GRM4: variants seen among roughly 807,000 people sequenced by gnomAD.
GRM4 encodes glutamate metabotropic receptor 4.
In GRM4, 28 loss-of-function variants were observed where a neutral mutation model predicts 81.7. The observed-to-expected ratio is 0.34, with a 90% CI of 0.25 to 0.47. GRM4 has a LOEUF of 0.47. Ranked by LOEUF, GRM4 falls within the 20% of genes least tolerant of loss-of-function variation. The pLI is 1.00. For missense variants in GRM4, 948 were observed against 1,290.0 expected, an observed-to-expected ratio of 0.73 and a Z score of 4.06; for synonymous variants, 488 against 528.8, an observed-to-expected ratio of 0.92 and a Z score of 1.06.
intron 6 of GRM4, among the ~76,000 whole-genome samples, chr6:34,041,198 T>C (rs997488130): frequency 1.3e-5 from 2 of 151,978 alleles, no homozygotes; most frequent in Middle Eastern, 6.3e-3. Context: ...GAGGGGAGTG[T>C]CCTTAAAGCC....
intron 2 of GRM4, among the ~76,000 whole-genome samples, chr6:34,109,546 G>A (rs1012772225): frequency 2.6e-5 from 4 of 152,162 alleles, no homozygotes; most frequent in Non-Finnish European, 5.9e-5. Context: ...TCAAAGGGAG[G>A]CCCAAAGCCC....
intron 1 of GRM4, among the ~76,000 whole-genome samples, chr6:34,139,753 C>T (rs933039994): frequency 6.6e-6 from 1 of 152,262 alleles, no homozygotes; most frequent in African/African-American, 2.4e-5. Context: ...GGATCTGCAG[C>T]AGTGCGCCCG....
intron 2 of GRM4, among the ~76,000 whole-genome samples, chr6:34,126,413 C>T (rs1338482099): frequency 1.3e-5 from 2 of 152,146 alleles, no homozygotes; most frequent in Non-Finnish European, 2.9e-5. Context: ...CGTTCAGCCC[C>T]CACCCCCAAC....
rs897747093 is a variant in GRM4 at position 34,115,413 on chromosome 6, C to T, written c.519+17565G>A. On this transcript the variant is annotated intron_variant, in intron 2 of 10. Coordinates refer to ENST00000538487, the MANE Select transcript of GRM4 (RefSeq NM_000841.4). This position sits in a 1 kb window ranked among gnomAD's most constrained non-coding sequence, Gnocchi z 4.1. ...TATCACGGCACCCGCACCGTCTGCC[C>T]GGCCACATGCCCAACTCCCACCAAA... 6.6e-6 allele frequency among the ~76,000 whole-genome samples: 1 copy of T among 152,160 alleles called. No individual in the cohort carries two copies.
At position 34,092,213 on chromosome 6, in the gene GRM4, C is replaced by G; in HGVS notation, c.520-114G>C. 1 of 665,904 alleles carries G rather than the reference C, an allele frequency of 1.5e-6. No homozygotes were observed. Among genetic ancestry groups the G allele is most frequent in the Non-Finnish European group, 2.6e-6 (1 of 389,244 alleles). The allele number at this position is 665,904 out of a possible 1,614,324, so 41.2% of individuals were successfully genotyped here. The stretch of plus-strand genomic sequence containing the variant: ...GGTCCCCACAGCCTTGGGACCACCA[C>G]AGCCCACCCCTCCCCATGGGCGATG... On this transcript the variant is annotated intron_variant, in intron 2 of 10. Transcript: ENST00000538487. This position sits in a 1 kb window ranked among gnomAD's most constrained non-coding sequence, Gnocchi z 6.8.
rs1326573986 is a variant in GRM4, at chr6:34,070,660, C to T, written c.737-8632G>A. On this transcript the variant is annotated intron_variant, in intron 3 of 10. Coordinates refer to ENST00000538487, the MANE Select transcript of GRM4 (RefSeq NM_000841.4). This position sits in a 1 kb window ranked among gnomAD's most constrained non-coding sequence, Gnocchi z 4.6. ...CTCATCACTTAGCCAGGCCAGGACC[C>T]AGGACCCAGGGCTGGGGAGGTCTAC... Among the ~76,000 whole-genome samples the T allele has an allele frequency of 6.6e-6, 1 of 151,856 alleles. No homozygotes were observed. Among genetic ancestry groups the T allele is most frequent in the African/African-American group, 2.4e-5 (1 of 41,268 alleles).
intron 7 of GRM4, 74 bp from the exon 8 acceptor site, chr6:34,040,388 C>T: frequency 2.0e-6 from 3 of 1,523,728 alleles, no homozygotes; most frequent in Non-Finnish European, 2.7e-6. Flanking sequence ...GGGGCAGAGA[C>T]CTCTCTGACA....
intron 1 of GRM4, among the ~76,000 whole-genome samples, chr6:34,144,859 AG>A (rs895224024): frequency 5.3e-5 from 8 of 152,108 alleles, no homozygotes; most frequent in Non-Finnish European, 1.0e-4. Flanking sequence ...TCCCTCCCTC[AG>A]GGGCACCCGG....
intron 9 of GRM4, 31 bp from the exon 10 acceptor site, chr6:34,028,397 G>A: frequency 6.3e-7 from 1 of 1,591,274 alleles, no homozygotes; most frequent in Non-Finnish European, 8.5e-7. Context: ...GTCAGAGCAG[G>A]CTCTGCCCCG....
upstream of GRM4, among the ~76,000 whole-genome samples, chr6:34,150,080 T>C (rs1771014950): frequency 2.6e-5 from 4 of 152,152 alleles, no homozygotes; most frequent in African/African-American, 9.7e-5. Flanking sequence ...AAAAAAGACC[T>C]GGCCCCAAGG....
At chr6:34,028,028 G>A in intron 10 of GRM4, 92 bp downstream of exon 10, 1 of 1,377,946 alleles carries the variant, frequency 7.3e-7, no homozygotes, top group Non-Finnish European at 9.8e-7. Context: ...ATCGGGGCAG[G>A]GCGGGGTGGG....
At chr6:34,139,907 C>T (rs1770609688) in intron 1 of GRM4, among the ~76,000 whole-genome samples, 2 of 152,234 alleles carry the variant, frequency 1.3e-5, no homozygotes, top group South Asian at 4.1e-4. Context: ...GTGCACCAGC[C>T]TCTGCTCTGG....
At chr6:34,149,509 G>A (rs973934608), upstream of GRM4, among the ~76,000 whole-genome samples, 1 of 152,216 alleles carries the variant, frequency 6.6e-6, no homozygotes, top group Non-Finnish European at 1.5e-5. Context: ...AGGCACTGAG[G>A]AGGAGCCATG....
At chr6:34,146,103 A>T (rs887718545), upstream of GRM4, 5 of 985,368 alleles carry the variant, frequency 5.1e-6, no homozygotes, top group African/African-American at 8.7e-5. Context: ...ACAGGGACGC[A>T]GAGGGGCGCG....
At chr6:34,100,031 C>T in intron 2 of GRM4, 1 of 982,544 alleles carries the variant, frequency 1.0e-6, no homozygotes, top group Non-Finnish European at 1.2e-6. Context: ...AGATCTATTC[C>T]TCTGCTCTGT....
chr6:34,040,214 C>T lies in GRM4; in HGVS notation c.1470G>A (p.Lys490=). 2 of 1,614,144 alleles carry T rather than the reference C, an allele frequency of 1.2e-6. No individual in the cohort carries two copies. The highest frequency in any genetic ancestry group is 1.1e-5 in the South Asian group (1 of 91,090). The change falls in exon 8 of 11, where the codon AAG becomes AAA. Residue 490 remains lysine, a synonymous_variant. Transcript: ENST00000538487. ...GGTGGTCAGTCCAGGAGCCAATGAC[C>T]TTGTACTCGGCAGAATCGTTGCGCA... ...YQLRNDSAEY[K]VIGSWTDHLH...
At position 34,044,201 on chromosome 6, in the gene GRM4, T is replaced by C. The variant is rs548040731; in HGVS notation, c.1169-3453A>G. Among the ~76,000 whole-genome samples the C allele has an allele frequency of 2.2e-3, 291 of 132,972 alleles. 3 individuals are homozygous for C. The highest frequency in any genetic ancestry group is 8.0e-3 in the Middle Eastern group (2 of 250). 87.2% of individuals were successfully genotyped at this position (132,972 alleles called of 152,430 possible). A position where few individuals can be genotyped will look rare whatever the true frequency, so the allele number is the denominator to read the frequency against. ...ATACATACACATATATACACACACA[T>C]ATATATACATACATACACATATATA... On this transcript the variant is annotated intron_variant, in intron 6 of 10. Transcript: ENST00000538487.
At position 34,133,224 on chromosome 6, in the gene GRM4, G is replaced by A. The variant is rs759833290; in HGVS notation, c.273C>T (p.Asn91=). The change falls in exon 2 of 11, where the codon AAC becomes AAT. Residue 91 remains asparagine, a synonymous_variant. Transcript: ENST00000538487. This position sits in a 1 kb window ranked among gnomAD's most constrained non-coding sequence, Gnocchi z 6.5. ...AMLFALDRIN[N]DPDLLPNITL... ...TGATGTTAGGCAGCAGGTCCGGGTC[G>A]TTGTTGATGCGATCCAGGGCGAACA... 20 of 1,614,066 alleles carry A rather than the reference G, an allele frequency of 1.2e-5. No individual in the cohort carries two copies. The highest frequency in any genetic ancestry group is 1.5e-5 in the Non-Finnish European group (18 of 1,180,008).
At chr6:34,093,737 G>A (rs778703982) in intron 2 of GRM4, among the ~76,000 whole-genome samples, 13 of 152,260 alleles carry the variant, frequency 8.5e-5, no homozygotes, top group East Asian at 1.9e-4. Context: ...CCCTGAGAAC[G>A]TCCATTGCCA....
Sources: allele counts gnomAD v4.1 joint callset (sites outside exome capture counted in the v4.1 genomes callset), GRCh38; gene constraint gnomAD v4.1.1; non-coding constraint Gnocchi (gnomAD v3.1); transcripts MANE v1.5; gene names NCBI Gene and HGNC (gene_info 2026-07-23, HGNC 2026-07-21).